Variants in FAT3 observed in about 807,000 individuals in gnomAD.
FAT3 encodes FAT atypical cadherin 3, also known as protocadherin Fat 3.
Under a neutral mutation model 310.2 loss-of-function variants are expected in FAT3, and 95 were observed. The observed-to-expected ratio is 0.31, with a 90% CI of 0.26 to 0.36. FAT3 has a LOEUF of 0.36. Ranked by LOEUF, FAT3 falls within the 10% of genes least tolerant of loss-of-function variation. The probability of loss-of-function intolerance (pLI) is 1.00; values close to 1 mark genes in which losing one functional copy is unlikely to be tolerated. For synonymous variants in FAT3, 2,314 were observed against 2,192.9 expected, an observed-to-expected ratio of 1.06 and a Z score of -1.54; for missense variants, 5,408 against 5,715.6, an observed-to-expected ratio of 0.95 and a Z score of 1.74.
At chr11:92,604,071 G>A (rs1434294879) in intron 3 of FAT3, among the ~76,000 whole-genome samples, 3 of 152,158 alleles carry the variant, frequency 2.0e-5, no homozygotes, top group African/African-American at 7.2e-5. Context: ...ATATTCTTGA[G>A]GTCCTCCTCA....
At chr11:92,790,919 C>T (rs1439449613) in intron 8 of FAT3, among the ~76,000 whole-genome samples, 1 of 152,162 alleles carries the variant, frequency 6.6e-6, no homozygotes, top group Non-Finnish European at 1.5e-5. Flanking sequence ...ATTGCACAGC[C>T]ACTTCCTGTC....
intron 2 of FAT3, among the ~76,000 whole-genome samples, chr11:92,491,955 C>T (rs1952611831): frequency 6.6e-6 from 1 of 152,014 alleles, no homozygotes; most frequent in South Asian, 2.1e-4. Flanking sequence ...TTTTTTGTAT[C>T]CACAGCCCCT....
intron 4 of FAT3, among the ~76,000 whole-genome samples, chr11:92,753,191 G>A (rs1034566890): frequency 1.3e-5 from 2 of 152,094 alleles, no homozygotes; most frequent in Non-Finnish European, 2.9e-5. Context: ...GAAACTGATG[G>A]CTGCCACTTT....
chr11:92,641,668 T>C (rs191109034), intron 3 of FAT3, among the ~76,000 whole-genome samples: 1 of 152,252 alleles, frequency 6.6e-6, no homozygotes, highest in Non-Finnish European at 1.5e-5. Context: ...TAATCTAGGA[T>C]GATCTCATCT....
chr11:92,415,433 G>C (rs1394837724), intron 2 of FAT3, among the ~76,000 whole-genome samples: 1 of 152,158 alleles, frequency 6.6e-6, no homozygotes, highest in Non-Finnish European at 1.5e-5. Flanking sequence ...AGTGGGAACA[G>C]ATGCTTCAGG....
Position 92,765,025 on chromosome 11 carries a change from G to T in FAT3, c.4131G>T (p.Val1377=). The T allele has an allele frequency of 6.2e-7, 1 of 1,613,814 alleles. No individual in the cohort carries two copies. The highest frequency in any genetic ancestry group is 8.5e-7 in the Non-Finnish European group (1 of 1,179,862). ...TCACAGTCATGGAAAGTGATAGAGT[G>T]ACTGAAATTGTAGGGGTGGTGTCTG... is the stretch of plus-strand genomic sequence containing the variant. ...YNFTVMESDR[V]TEIVGVVSVQ... is the part of the protein sequence containing the mutation. Residue 1377 remains valine, a synonymous_variant, in exon 6 of 28, where the codon GTG becomes GTT. Coordinates refer to ENST00000525166, the MANE Select transcript of FAT3 (RefSeq NM_001367949.2).
chr11:92,633,105 C>G (rs1941618625), intron 3 of FAT3, among the ~76,000 whole-genome samples: 2 of 152,154 alleles, frequency 1.3e-5, no homozygotes, highest in Non-Finnish European at 2.9e-5. Flanking sequence ...CTCTAATGCT[C>G]TATGACATAG....
At chr11:92,598,284 T>C (rs936096877) in intron 3 of FAT3, among the ~76,000 whole-genome samples, 1 of 150,052 alleles carries the variant, frequency 6.7e-6, no homozygotes, top group South Asian at 2.1e-4. Flanking sequence ...TGGAGTACAG[T>C]GTCACAATCT....
intron 2 of FAT3, among the ~76,000 whole-genome samples, chr11:92,394,538 G>T (rs1220114207): frequency 6.6e-6 from 1 of 152,012 alleles, no homozygotes; most frequent in Non-Finnish European, 1.5e-5. Context: ...CAAGCAAGAG[G>T]CAGTTTTGCT....
At chr11:92,755,937 A>T (rs1945979097) in intron 4 of FAT3, among the ~76,000 whole-genome samples, 1 of 152,232 alleles carries the variant, frequency 6.6e-6, no homozygotes, top group Non-Finnish European at 1.5e-5. Context: ...TATTTCATTT[A>T]TTCATTCAAC....
intron 1 of FAT3, among the ~76,000 whole-genome samples, chr11:92,341,435 A>G (rs1366374490): frequency 6.6e-6 from 1 of 152,170 alleles, no homozygotes; most frequent in Non-Finnish European, 1.5e-5. Flanking sequence ...GCTTATATGC[A>G]CCAGTCAATA....
intron 2 of FAT3, among the ~76,000 whole-genome samples, chr11:92,510,950 G>A (rs1048884441): frequency 6.6e-6 from 1 of 152,224 alleles, no homozygotes; most frequent in Admixed American, 6.5e-5. Context: ...GAACAAAAGT[G>A]TCCAGGGTGG....
At chr11:92,591,970 C>G (rs922844615) in intron 3 of FAT3, among the ~76,000 whole-genome samples, 2 of 152,050 alleles carry the variant, frequency 1.3e-5, no homozygotes, top group Non-Finnish European at 2.9e-5. Context: ...GTGCATTTGT[C>G]AAAACCCAAA....
At chr11:92,502,816 C>T (rs1006409419) in intron 2 of FAT3, among the ~76,000 whole-genome samples, 3 of 152,006 alleles carry the variant, frequency 2.0e-5, no homozygotes, top group African/African-American at 7.2e-5. Flanking sequence ...TCATGATGTA[C>T]TTATTGTGCT....
chr11:92,813,206 A>C (rs1401784139), intron 13 of FAT3, among the ~76,000 whole-genome samples: 1 of 152,138 alleles, frequency 6.6e-6, no homozygotes, highest in African/African-American at 2.4e-5. Flanking sequence ...GGACTAATAT[A>C]CTTGTGTTAC....
chr11:92,449,083 T>G (rs1591305604), intron 2 of FAT3, among the ~76,000 whole-genome samples: 1 of 152,156 alleles, frequency 6.6e-6, no homozygotes, highest in African/African-American at 2.4e-5. Context: ...TGCAGATGCC[T>G]TCTCATTTAC....
Position 92,761,853 on chromosome 11 carries a change from C to T in FAT3, c.3670-3C>T, listed in dbSNP as rs1404025556. The T allele has an allele frequency of 2.5e-6, 4 of 1,609,806 alleles. No individual in the cohort carries two copies. In the African/African-American group the frequency reaches 5.4e-5, roughly 22 times the overall value. On this transcript the variant is annotated splice_region_variant and splice_polypyrimidine_tract_variant and intron_variant, in intron 4 of 27. Transcript: ENST00000525166. ...TCTGATCACATCATACTCTCTTTTT[C>T]AGGTGACTGTGACAGATGGTGGTCC... is the stretch of plus-strand genomic sequence containing the variant.
At chr11:92,751,616 A>G (rs941656966) in intron 4 of FAT3, among the ~76,000 whole-genome samples, 1 of 152,192 alleles carries the variant, frequency 6.6e-6, no homozygotes, top group African/African-American at 2.4e-5. Context: ...GTTTTTAAGC[A>G]TTGAGGACAG....
Position 92,817,106 on chromosome 11 carries a change from G to A in FAT3, c.9481+7030G>A, listed in dbSNP as rs191190065. On this transcript the variant is annotated intron_variant, in intron 13 of 27. Transcript: ENST00000525166. ...CACTGAGAGGCACACACATGCCCTC[G>A]GATGTCTCTATACAGGAAGGGACTG... Among the ~76,000 whole-genome samples the A allele has an allele frequency of 1.3e-3, 199 of 152,270 alleles. No individual in the cohort carries two copies. The Middle Eastern group carries it at 0.017, about 13-fold the overall frequency.
Sources: allele counts gnomAD v4.1 joint callset (sites outside exome capture counted in the v4.1 genomes callset), GRCh38; gene constraint gnomAD v4.1.1; transcripts MANE v1.5; gene names NCBI Gene and HGNC (gene_info 2026-07-23, HGNC 2026-07-21).